The following MEGF6 variants were observed in gnomAD, a reference collection of about 807,000 sequenced individuals.
The protein encoded by MEGF6 is multiple epidermal growth factor-like domains protein 6.
In MEGF6, 184 loss-of-function variants were observed where a neutral mutation model predicts 207.1. That is an observed-to-expected ratio of 0.89 (90% confidence interval 0.79 to 1.00). The LOEUF (loss-of-function observed/expected upper bound fraction) is 1.00. Ranked by LOEUF, MEGF6 falls within the 50% of genes least tolerant of loss-of-function variation. The pLI is 0.00. For synonymous variants in MEGF6, 1,038 were observed against 910.0 expected (o/e 1.14, Z -2.53); for missense variants, 2,282 against 2,202.9 (o/e 1.04, Z -0.72).
chr1:3,543,844 C>T (rs945700276), intron 4 of MEGF6, among the ~76,000 whole-genome samples: 2 of 152,360 alleles, frequency 1.3e-5, no homozygotes, highest in East Asian at 3.9e-4. Context: ...CCATGCTGGG[C>T]TCTGCAGTGT....
At chr1:3,500,159 G>A (rs112673716) in intron 21 of MEGF6, among the ~76,000 whole-genome samples, 38 of 152,326 alleles carry the variant, frequency 2.5e-4, no homozygotes, top group Admixed American at 4.6e-4. Context: ...CTCCCCAGGG[G>A]CTGTCCGTAG....
At chr1:3,597,781 G>A (rs907259074) in intron 2 of MEGF6, among the ~76,000 whole-genome samples, 2 of 152,272 alleles carry the variant, frequency 1.3e-5, no homozygotes, top group East Asian at 3.9e-4. Flanking sequence ...CCTTGATCTC[G>A]GACTTCCGGC....
rs1192110351 is a variant in MEGF6, at chr1:3,531,305, G to C, written c.482-7059C>G. 4.8e-6 allele frequency: 6 copies of C among 1,248,076 alleles called. No individual in the cohort carries two copies. The East Asian group carries it at 1.3e-4, about 28-fold the overall frequency. The allele number at this position is 1,248,076 out of a possible 1,614,324, so 77.3% of individuals were successfully genotyped here. ...ACCAACCGCGCTGCGCCCTAAGCCG[G>C]CGGCCGGGCGACGGGGCAGGCGGCT... On this transcript the variant is annotated intron_variant, in intron 4 of 36. Transcript: ENST00000356575.
upstream of MEGF6, among the ~76,000 whole-genome samples, chr1:3,614,194 G>A (rs1253949029): frequency 6.6e-6 from 1 of 152,168 alleles, no homozygotes; most frequent in Admixed American, 6.5e-5. Context: ...TCTCTGACAG[G>A]CAGGCCCCTG....
In MEGF6 at chr1:3,497,235, T is replaced by C. The variant is rs1047360861; in HGVS notation, c.3479A>G (p.Gln1160Arg). Residue 1160 changes from glutamine (Q) to arginine (R), a missense_variant and splice_region_variant, in exon 27 of 37, where the codon CAG (glutamine) becomes CGG (arginine). By Grantham distance (43) the Gln-to-Arg change is conservative. Coordinates refer to ENST00000356575, the MANE Select transcript of MEGF6 (RefSeq NM_001409.4). The stretch of plus-strand genomic sequence containing the variant: ...GGTGGGGGCTTGGGAGCACCTACCC[T>C]GCTCGCAGCCGGAGCCAGTGAAGCC... ...PPGFTGSGCE[Q>R]ACPPGSFGED... The C allele has an allele frequency of 1.3e-6, 2 of 1,493,514 alleles. No individual in the cohort carries two copies. Among genetic ancestry groups the C allele is most frequent in the Admixed American group, 2.4e-5 (1 of 41,514 alleles). The allele number at this position is 1,493,514 out of a possible 1,614,324, so 92.5% of individuals were successfully genotyped here. A position where few individuals can be genotyped will look rare whatever the true frequency, so the allele number is the denominator to read the frequency against.
rs747495164 is a variant in MEGF6 at position 3,506,240 on chromosome 1, G to T, written c.1790-4C>A. The T allele has an allele frequency of 9.3e-6, 15 of 1,607,816 alleles. No individual in the cohort carries two copies. In the South Asian group the frequency reaches 1.6e-4, roughly 17 times the overall value. On this transcript the variant is annotated splice_polypyrimidine_tract_variant and splice_region_variant and intron_variant, in intron 14 of 36. Transcript: ENST00000356575. Reference sequence around the variant, plus strand: ...CCATAGTAGCCCTTGGGGCAGCCTGGGGGCAGCGGGGCTCCATGTGAACCT... The same window carrying T: ...CCATAGTAGCCCTTGGGGCAGCCTGTGGGCAGCGGGGCTCCATGTGAACCT...
intron 4 of MEGF6, among the ~76,000 whole-genome samples, chr1:3,562,145 G>A (rs1051164487): frequency 6.6e-5 from 10 of 152,142 alleles, no homozygotes; most frequent in East Asian, 1.9e-4. Context: ...GCCTATTTCC[G>A]TGTCTCTGTC....
chr1:3,620,912 G>T, the MEGF6 span, among the ~76,000 whole-genome samples: 4 of 152,228 alleles, frequency 2.6e-5, no homozygotes, highest in African/African-American at 9.6e-5. Context: ...ATGTCCACTG[G>T]ACAGGGGGCC....
At chr1:3,496,918 C>A in intron 28 of MEGF6, 70 bp downstream of exon 28, 1 of 1,530,168 alleles carries the variant, frequency 6.5e-7, no homozygotes. Context: ...TTCCCGGGGA[C>A]CAGGGGAACT....
chr1:3,595,831 G>T (rs1336257120), intron 2 of MEGF6, among the ~76,000 whole-genome samples: 2 of 152,186 alleles, frequency 1.3e-5, no homozygotes, highest in Non-Finnish European at 2.9e-5. Context: ...GCATCTCGGG[G>T]AGTTGGAAGT....
chr1:3,492,707 G>A lies in MEGF6; in HGVS notation c.4448C>T (p.Ala1483Val). The A allele has an allele frequency of 6.2e-7, 1 of 1,612,620 alleles. No homozygotes were observed. Among genetic ancestry groups the A allele is most frequent in the Non-Finnish European group, 8.5e-7 (1 of 1,179,856 alleles). The change falls in exon 35 of 37, where the codon GCT becomes GTT. Residue 1483 changes from alanine (A) to valine (V), a missense_variant. Physicochemically the swap from Ala to Val is moderately conservative, Grantham distance 64. Transcript: ENST00000356575. ...CTGCCCACTGACAGGGTCGCAGTCA[G>A]CCCCACCCCCGCAGTCACAGTGCAG... is the stretch of plus-strand genomic sequence containing the variant. ...CTLHCDCGGGADCDPVSGQCH... is the reference protein window; with the variant it reads ...CTLHCDCGGGVDCDPVSGQCH...
chr1:3,499,063 C>T (rs1640737444), intron 24 of MEGF6, 75 bp downstream of exon 24: 2 of 1,555,740 alleles, frequency 1.3e-6, no homozygotes, highest in Admixed American at 3.8e-5. Context: ...ACCAAGTGTC[C>T]TGTGGGCCCT....
chr1:3,525,057 C>T (rs1275762851), intron 4 of MEGF6, among the ~76,000 whole-genome samples: 4 of 152,212 alleles, frequency 2.6e-5, no homozygotes, highest in South Asian at 2.1e-4. Flanking sequence ...GTAGCCACCC[C>T]GTTTGCGGTG....
intron 4 of MEGF6, among the ~76,000 whole-genome samples, chr1:3,540,812 C>T (rs149851907): frequency 9.4e-4 from 143 of 152,338 alleles, no homozygotes; most frequent in East Asian, 3.7e-3. Context: ...TCACTGCCTA[C>T]GAGGCCCCAC....
In MEGF6 at chr1:3,514,660, C is replaced by A; in HGVS notation, c.743G>T (p.Cys248Phe). 1 of 1,582,374 alleles carries A rather than the reference C, an allele frequency of 6.3e-7. No homozygotes were observed. ...CATGCAGCTGCCGTTCCTGTTGGCACACGGGCTTCTACCTGCAGCCACGGG... is the reference window on the plus strand; with the variant it reads ...CATGCAGCTGCCGTTCCTGTTGGCAAACGGGCTTCTACCTGCAGCCACGGG... Reference protein sequence around the residue: ...DGRHCVRRSPCANRNGSCMHR... With the variant: ...DGRHCVRRSPFANRNGSCMHR... Residue 248 changes from cysteine to phenylalanine, a missense_variant, in exon 7 of 37, where the codon TGT (cysteine) becomes TTT (phenylalanine). Physicochemically the swap from Cys to Phe is radical, Grantham distance 205. Coordinates refer to ENST00000356575, the MANE Select transcript of MEGF6 (RefSeq NM_001409.4).
chr1:3,501,384 C>T, intron 18 of MEGF6, 76 bp from the exon 19 acceptor site: 1 of 1,507,970 alleles, frequency 6.6e-7, no homozygotes, highest in Non-Finnish European at 8.9e-7. Context: ...GGCACGATGC[C>T]CCTGGAGCCA....
In MEGF6 at chr1:3,489,169, T is replaced by G. The variant is rs527597990; in HGVS notation, c.*1359A>C. Among the ~76,000 whole-genome samples, 1 of 152,320 alleles carries G rather than the reference T, an allele frequency of 6.6e-6. No individual in the cohort carries two copies. The highest frequency in any genetic ancestry group is 2.4e-5 in the African/African-American group (1 of 41,570). On this transcript the variant is annotated 3_prime_UTR_variant, in exon 37 of 37. Coordinates refer to ENST00000356575, the MANE Select transcript of MEGF6 (RefSeq NM_001409.4). ...ATCCTGCCCTCCCTTATCACTGTTCTACTTTAAAGTCTCCCCACAGCGGTC... is the reference window on the plus strand; with the variant it reads ...ATCCTGCCCTCCCTTATCACTGTTCGACTTTAAAGTCTCCCCACAGCGGTC...
intron 30 of MEGF6, 57 bp from the exon 31 acceptor site, chr1:3,494,798 G>A (rs1640532730): frequency 6.7e-7 from 1 of 1,487,396 alleles, no homozygotes. Flanking sequence ...GGCTCCCTCT[G>A]GGGATATGTC....
chr1:3,493,030 CGAGTTCCTGCCCCGCCCCAG>C, intron 34 of MEGF6: 1 of 507,408 alleles, frequency 2.0e-6, no homozygotes, highest in South Asian at 2.8e-5. Context: ...GAGTCACCAC[CGAGTTCCTGCCCCGCCCCAG>C]GAGGGCAAAC....
Sources: gnomAD v4.1 joint callset for allele counts (sites outside exome capture counted in the v4.1 genomes callset) on GRCh38, gnomAD v4.1.1 for gene constraint, MANE v1.5 for transcripts, NCBI Gene and HGNC (gene_info 2026-07-23, HGNC 2026-07-21) for gene names.